SLIT3: variants seen among roughly 807,000 people sequenced by gnomAD.
The protein encoded by SLIT3 is slit homolog 3 protein.
SLIT3 carries 68 observed loss-of-function variants against 184.0 expected under a neutral mutation model. The ratio of observed to expected loss-of-function variants is 0.37; its 90% confidence interval spans 0.30 to 0.45. The LOEUF (loss-of-function observed/expected upper bound fraction) is 0.45. Among genes scored for constraint, SLIT3 ranks in the 20% least tolerant of loss-of-function variants. The pLI, the probability that SLIT3 is intolerant of heterozygous loss-of-function variation, is 1.00. For synonymous variants in SLIT3, 831 were observed against 828.6 expected (o/e 1.00, Z -0.05); for missense variants, 1,707 against 2,026.0 (o/e 0.84, Z 3.02).
At chr5:169,244,155 T>A (rs1217631236) in intron 3 of SLIT3, among the ~76,000 whole-genome samples, 1 of 152,240 alleles carries the variant, frequency 6.6e-6, no homozygotes, top group Non-Finnish European at 1.5e-5. Flanking sequence ...TGGCAATGCA[T>A]TCTCTCGTGG....
intron 7 of SLIT3, among the ~76,000 whole-genome samples, chr5:168,819,437 G>A (rs1757448345): frequency 6.6e-6 from 1 of 152,226 alleles, no homozygotes; most frequent in Admixed American, 6.5e-5. Context: ...CGCAGGCTGA[G>A]GTGCCGTTCT....
chr5:168,922,802 C>G (rs1761682482), intron 4 of SLIT3, among the ~76,000 whole-genome samples: 1 of 152,004 alleles, frequency 6.6e-6, no homozygotes. Flanking sequence ...GGGCCTAAGA[C>G]AAAGAGGGCT....
At chr5:169,029,425 A>T (rs996969444) in intron 4 of SLIT3, among the ~76,000 whole-genome samples, 2 of 152,162 alleles carry the variant, frequency 1.3e-5, no homozygotes, top group African/African-American at 2.4e-5. Flanking sequence ...CTCTCCTCGG[A>T]CCTACTGCAT....
chr5:169,110,456 C>G (rs994695595), intron 4 of SLIT3, among the ~76,000 whole-genome samples: 1 of 152,098 alleles, frequency 6.6e-6, no homozygotes, highest in African/African-American at 2.4e-5. Context: ...TTGCAGGCCT[C>G]TCTCCTAGCG....
rs539292072 is a variant in SLIT3, at chr5:168,824,011, C to T, written c.558-680G>A. Among the ~76,000 whole-genome samples the T allele has an allele frequency of 4.6e-5, 7 of 152,252 alleles. No homozygotes were observed. The East Asian group carries it at 9.7e-4, about 21-fold the overall frequency. On this transcript the variant is annotated intron_variant, in intron 6 of 35. Coordinates refer to ENST00000519560, the MANE Select transcript of SLIT3 (RefSeq NM_003062.4). ...TCACCCAGGCTGGAGTGCAGTGGCA[C>T]GATCTCAGCTCACTGCAACCTCCGC...
At chr5:169,083,889 T>C (rs938552418) in intron 4 of SLIT3, among the ~76,000 whole-genome samples, 1 of 152,158 alleles carries the variant, frequency 6.6e-6, no homozygotes, top group Admixed American at 6.5e-5. Context: ...TGGAGCAAAT[T>C]GTCCCTCGTG....
At chr5:168,991,735 G>A (rs1419618318) in intron 4 of SLIT3, among the ~76,000 whole-genome samples, 1 of 152,236 alleles carries the variant, frequency 6.6e-6, no homozygotes, top group African/African-American at 2.4e-5. Flanking sequence ...GCCTACCCCA[G>A]AGACTGGAGA....
At chr5:168,947,896 C>T (rs1762533415) in intron 4 of SLIT3, among the ~76,000 whole-genome samples, 1 of 151,982 alleles carries the variant, frequency 6.6e-6, no homozygotes, top group Non-Finnish European at 1.5e-5. Context: ...GGGTTCAAAA[C>T]TCTCCTGCCT....
At chr5:169,022,354 A>T (rs1200990209) in intron 4 of SLIT3, 2 of 152,038 alleles carry the variant, frequency 1.3e-5, no homozygotes, top group Non-Finnish European at 2.9e-5. Context: ...GATGCCCACT[A>T]CCTCCTCCCT....
intron 12 of SLIT3, among the ~76,000 whole-genome samples, chr5:168,785,274 C>G (rs1430368572): frequency 6.6e-6 from 1 of 152,236 alleles, no homozygotes; most frequent in Non-Finnish European, 1.5e-5. Flanking sequence ...CCTTCCTTCT[C>G]CACATCAGAG....
At chr5:169,223,452 G>A (rs1225832369) in intron 3 of SLIT3, among the ~76,000 whole-genome samples, 6 of 152,222 alleles carry the variant, frequency 3.9e-5, no homozygotes, top group Admixed American at 2.6e-4. Flanking sequence ...GTTTAGCAGC[G>A]TAGGTGTCCT....
At chr5:168,713,919 C>T (rs939771656) in intron 23 of SLIT3, among the ~76,000 whole-genome samples, 18 of 152,216 alleles carry the variant, frequency 1.2e-4, no homozygotes, top group Admixed American at 1.0e-3. Context: ...TCTCCTATTG[C>T]TTTAAGGCAA....
chr5:169,250,061 A>G (rs1401211137), intron 2 of SLIT3, among the ~76,000 whole-genome samples: 1 of 152,264 alleles, frequency 6.6e-6, no homozygotes, highest in Non-Finnish European at 1.5e-5. Context: ...GTGAATACAC[A>G]GTGGCACTGC....
intron 4 of SLIT3, among the ~76,000 whole-genome samples, chr5:168,940,594 A>G (rs1762299541): frequency 6.6e-6 from 1 of 152,180 alleles, no homozygotes; most frequent in Non-Finnish European, 1.5e-5. Context: ...CAACCATTGT[A>G]TTATGGGTAT....
intron 20 of SLIT3, among the ~76,000 whole-genome samples, chr5:168,728,271 C>T (rs1173492044): frequency 4.4e-5 from 5 of 114,108 alleles, no homozygotes; most frequent in Admixed American, 3.3e-4. Context: ...GTATCTTAAT[C>T]AACAACATAT....
chr5:168,956,936 C>T (rs1167112406), intron 4 of SLIT3, among the ~76,000 whole-genome samples: 1 of 133,004 alleles, frequency 7.5e-6, no homozygotes, highest in Non-Finnish European at 1.6e-5. Context: ...GCCTCCACAT[C>T]CACTTTAAAA....
intron 12 of SLIT3, among the ~76,000 whole-genome samples, chr5:168,783,213 G>C (rs1756033910): frequency 6.6e-6 from 1 of 152,118 alleles, no homozygotes; most frequent in Non-Finnish European, 1.5e-5. Context: ...GGGGACCAAG[G>C]ACAGAATATC....
chr5:169,187,512 A>G (rs1431619732), intron 4 of SLIT3, among the ~76,000 whole-genome samples: 1 of 151,710 alleles, frequency 6.6e-6, no homozygotes, highest in Non-Finnish European at 1.5e-5. Context: ...GCTCATCCTT[A>G]TAGGGCAAGG....
intron 4 of SLIT3, among the ~76,000 whole-genome samples, chr5:168,951,445 A>G (rs2113242049): frequency 6.6e-6 from 1 of 152,242 alleles, no homozygotes; most frequent in East Asian, 1.9e-4. Flanking sequence ...AGGTGGGTTC[A>G]GGCTATGTTT....
Sources: allele counts gnomAD v4.1 joint callset (sites outside exome capture counted in the v4.1 genomes callset), GRCh38; gene constraint gnomAD v4.1.1; transcripts MANE v1.5; gene names NCBI Gene and HGNC (gene_info 2026-07-23, HGNC 2026-07-21).